The following IMMP2L variants were observed in gnomAD, a reference collection of about 807,000 sequenced individuals.
The protein encoded by IMMP2L is inner mitochondrial membrane peptidase subunit 2.
Under a neutral mutation model 19.3 loss-of-function variants are expected in IMMP2L, and 18 were observed. That is an observed-to-expected ratio of 0.93 (90% CI 0.64 to 1.38). IMMP2L has a LOEUF of 1.38. Among genes scored for constraint, IMMP2L ranks in the 40% most tolerant of loss-of-function variants. The pLI, the probability that IMMP2L is intolerant of heterozygous loss-of-function variation, is 0.00. For missense variants in IMMP2L, 233 were observed against 218.2 expected, an observed-to-expected ratio of 1.07 and a Z score of -0.43; for synonymous variants, 76 against 73.0, an observed-to-expected ratio of 1.04 and a Z score of -0.21.
chr7:110,772,932 C>G (rs944493535), intron 5 of IMMP2L, among the ~76,000 whole-genome samples: 1 of 151,926 alleles, frequency 6.6e-6, no homozygotes, highest in East Asian at 1.9e-4. Flanking sequence ...ACGAGAAGTA[C>G]TATCGGCCAT....
intron 3 of IMMP2L, among the ~76,000 whole-genome samples, chr7:111,073,393 T>C (rs1354142110): frequency 6.6e-6 from 1 of 152,162 alleles, no homozygotes; most frequent in Non-Finnish European, 1.5e-5. Context: ...GTGCTATTCT[T>C]GCATATTTTT....
In IMMP2L at chr7:110,907,178, G is replaced by T. The variant is rs145655752; in HGVS notation, c.306-20483C>A. ...GTGTTAACAGCTCAGTGGAGGGTCA[G>T]TGTGACAGCCTTTTGCGCCCACACT... On this transcript the variant is annotated intron_variant, in intron 4 of 5. Coordinates refer to ENST00000405709, the MANE Select transcript of IMMP2L (RefSeq NM_032549.4). Among the ~76,000 whole-genome samples, 313 of 152,246 alleles carry T rather than the reference G, an allele frequency of 2.1e-3. 2 individuals carry two copies. The highest frequency in any genetic ancestry group is 7.1e-3 in the African/African-American group (297 of 41,552).
chr7:111,123,516 T>G lies in IMMP2L; in HGVS notation c.240-159951A>C, dbSNP rs759038442. ...GCATCTCTTTTTACGATAACAGGCTTATTAAAGTACCCCATGTTGCTCTTC... is the reference window on the plus strand; with the variant it reads ...GCATCTCTTTTTACGATAACAGGCTGATTAAAGTACCCCATGTTGCTCTTC... On this transcript the variant is annotated intron_variant, in intron 3 of 5. Transcript: ENST00000405709. This position sits in a 1 kb window ranked among gnomAD's most constrained non-coding sequence, Gnocchi z 6.4. 6.8e-6 allele frequency: 11 copies of G among 1,613,952 alleles called. No homozygotes were observed. The highest frequency in any genetic ancestry group is 5.5e-5 in the South Asian group (5 of 91,072).
chr7:111,042,626 G>A (rs1019023834), intron 3 of IMMP2L, among the ~76,000 whole-genome samples: 6 of 152,210 alleles, frequency 3.9e-5, no homozygotes, highest in African/African-American at 1.4e-4. Flanking sequence ...CAGGGATATA[G>A]AGCAGGCCAT....
chr7:111,081,108 A>C (rs1002127598), intron 3 of IMMP2L, among the ~76,000 whole-genome samples: 1 of 152,302 alleles, frequency 6.6e-6, no homozygotes, highest in East Asian at 1.9e-4. Context: ...ATGCTTTCAA[A>C]TTTAGGGCCT....
At chr7:111,195,027 A>G (rs1035192964) in intron 3 of IMMP2L, among the ~76,000 whole-genome samples, 6 of 152,252 alleles carry the variant, frequency 3.9e-5, no homozygotes, top group African/African-American at 1.4e-4. Flanking sequence ...AAAAATAACA[A>G]TTAAAACTGT....
intron 3 of IMMP2L, among the ~76,000 whole-genome samples, chr7:111,428,556 T>C (rs943241360): frequency 6.8e-6 from 1 of 147,414 alleles, no homozygotes; most frequent in Non-Finnish European, 1.5e-5. Flanking sequence ...AAAATTTTCT[T>C]TGATACAGTA....
At chr7:110,742,322 A>C (rs11982142) in intron 5 of IMMP2L, among the ~76,000 whole-genome samples, 46,759 of 152,036 alleles carry the variant, frequency 0.31, 8,890 homozygotes, top group East Asian at 0.69. Flanking sequence ...TAAACTTCTT[A>C]GACTTCTAAG....
intron 3 of IMMP2L, among the ~76,000 whole-genome samples, chr7:111,436,725 T>C (rs1370656247): frequency 6.6e-6 from 1 of 151,950 alleles, no homozygotes; most frequent in Non-Finnish European, 1.5e-5. Context: ...CTGTTTGCAC[T>C]GCTATAAAGC....
chr7:110,740,274 T>G (rs9641445), intron 5 of IMMP2L, among the ~76,000 whole-genome samples: 1 of 151,760 alleles, frequency 6.6e-6, no homozygotes, highest in Non-Finnish European at 1.5e-5. Flanking sequence ...AAAAGATAAA[T>G]GAAACAAAAA....
chr7:111,167,254 A>G (rs1288562030), intron 3 of IMMP2L, among the ~76,000 whole-genome samples: 1 of 151,882 alleles, frequency 6.6e-6, no homozygotes, highest in Non-Finnish European at 1.5e-5. Flanking sequence ...GGAATATACA[A>G]TTTCAGCTAC....
At chr7:111,444,739 G>T (rs1379764519) in intron 3 of IMMP2L, among the ~76,000 whole-genome samples, 2 of 151,976 alleles carry the variant, frequency 1.3e-5, no homozygotes, top group African/African-American at 2.4e-5. Context: ...TGATGATAAT[G>T]AATATACCTA....
chr7:111,065,918 G>GCA (rs891097739), intron 3 of IMMP2L, among the ~76,000 whole-genome samples: 20 of 151,274 alleles, frequency 1.3e-4, no homozygotes, highest in East Asian at 3.9e-4. Flanking sequence ...GTGTGTGCGC[G>GCA]CGCGTGTATG....
At chr7:111,029,501 C>T (rs1827184852) in intron 3 of IMMP2L, among the ~76,000 whole-genome samples, 1 of 152,178 alleles carries the variant, frequency 6.6e-6, no homozygotes. Context: ...TCAGGTGGCT[C>T]TGACCAGAGA....
chr7:111,287,652 G>A (rs537632963), intron 3 of IMMP2L, among the ~76,000 whole-genome samples: 1 of 152,084 alleles, frequency 6.6e-6, no homozygotes, highest in African/African-American at 2.4e-5. Context: ...TTTGTTCAAA[G>A]TTGTTATGAA....
intron 5 of IMMP2L, among the ~76,000 whole-genome samples, chr7:110,737,054 T>C (rs543777183): frequency 3.3e-5 from 5 of 152,250 alleles, no homozygotes; most frequent in Admixed American, 2.0e-4. Context: ...AGATGGCAGA[T>C]AGGAGGCAGG....
chr7:110,911,205 G>A (rs1220104289), intron 4 of IMMP2L, among the ~76,000 whole-genome samples: 1 of 152,042 alleles, frequency 6.6e-6, no homozygotes. Context: ...AAAATGGTGT[G>A]CACTCTCATA....
Position 111,556,513 on chromosome 7 carries a change from T to C in IMMP2L, c.-3+5338A>G, listed in dbSNP as rs1273344766. Among the ~76,000 whole-genome samples the C allele has an allele frequency of 2.0e-5, 3 of 152,200 alleles. No homozygotes were observed. The East Asian group carries it at 5.8e-4, about 29-fold the overall frequency. On this transcript the variant is annotated intron_variant, in intron 1 of 5. Coordinates refer to ENST00000405709, the MANE Select transcript of IMMP2L (RefSeq NM_032549.4). ...AGCATATCTACTCTCTATTCTCATG[T>C]CCAGCCCCCTTCAGCCTCATCTCCT...
intron 5 of IMMP2L, among the ~76,000 whole-genome samples, chr7:110,750,947 T>G (rs530204333): frequency 1.1e-4 from 17 of 152,188 alleles, no homozygotes; most frequent in African/African-American, 4.1e-4. Flanking sequence ...AATAAATGTC[T>G]GTCAGAAATC....
Sources: allele counts gnomAD v4.1 joint callset (sites outside exome capture counted in the v4.1 genomes callset), GRCh38; gene constraint gnomAD v4.1.1; non-coding constraint Gnocchi (gnomAD v3.1); transcripts MANE v1.5; gene names NCBI Gene and HGNC (gene_info 2026-07-23, HGNC 2026-07-21).